Variants in FBXW7 observed in about 807,000 individuals in gnomAD.
FBXW7 encodes the protein F-box/WD repeat-containing protein 7.
FBXW7 carries 11 observed loss-of-function variants against 86.3 expected under a neutral mutation model. That is an observed-to-expected ratio of 0.13 (90% CI 0.08 to 0.21). FBXW7 has a LOEUF of 0.21. Ranked by LOEUF, FBXW7 falls within the 10% of genes least tolerant of loss-of-function variation. FBXW7 has a pLI of 1.00. For synonymous variants in FBXW7, 313 were observed against 297.9 expected, an observed-to-expected ratio of 1.05 and a Z score of -0.52; for missense variants, 488 against 847.4, an observed-to-expected ratio of 0.58 and a Z score of 5.27.
chr4:152,438,129 A>C (rs539788801), intron 2 of FBXW7, among the ~76,000 whole-genome samples: 1 of 152,238 alleles, frequency 6.6e-6, no homozygotes, highest in African/African-American at 2.4e-5. Flanking sequence ...AGCCAATACC[A>C]TACCACTGCA....
intron 2 of FBXW7, among the ~76,000 whole-genome samples, chr4:152,504,690 C>T (rs1579375965): frequency 6.6e-6 from 1 of 152,114 alleles, no homozygotes; most frequent in South Asian, 2.1e-4. Context: ...ATCTACTTTT[C>T]CAACCATAAA....
intron 2 of FBXW7, among the ~76,000 whole-genome samples, chr4:152,457,051 A>C (rs1056074791): frequency 6.6e-6 from 1 of 152,244 alleles, no homozygotes; most frequent in Non-Finnish European, 1.5e-5. Flanking sequence ...AAAAACAAAA[A>C]CAAAGTTTTG....
chr4:152,361,269 C>T (rs1054756412), intron 4 of FBXW7, among the ~76,000 whole-genome samples: 53 of 152,072 alleles, frequency 3.5e-4, no homozygotes, highest in Admixed American at 1.9e-3. Flanking sequence ...TAATCAGGCC[C>T]CCACTACATT....
chr4:152,378,721 T>C (rs6535848), intron 4 of FBXW7, among the ~76,000 whole-genome samples: 8,173 of 152,226 alleles, frequency 0.054, 537 homozygotes, highest in East Asian at 0.29. Flanking sequence ...ACACTTATTA[T>C]GCCGGGCATG....
At chr4:152,435,970 G>A (rs1740342368) in intron 2 of FBXW7, among the ~76,000 whole-genome samples, 1 of 152,030 alleles carries the variant, frequency 6.6e-6, no homozygotes. Context: ...ATGGAAGACG[G>A]CAAAAATGTT....
At chr4:152,518,920 G>T (rs912623561) in intron 2 of FBXW7, among the ~76,000 whole-genome samples, 2 of 152,100 alleles carry the variant, frequency 1.3e-5, no homozygotes, top group Non-Finnish European at 2.9e-5. Context: ...GTAGGGAATA[G>T]TTCTACAAAG....
intron 2 of FBXW7, among the ~76,000 whole-genome samples, chr4:152,416,925 T>C (rs1738489247): frequency 6.6e-6 from 1 of 152,214 alleles, no homozygotes. Context: ...TTTAAACTGG[T>C]TGTTAAATCT....
intron 2 of FBXW7, among the ~76,000 whole-genome samples, chr4:152,439,410 T>C (rs1395653495): frequency 6.6e-6 from 1 of 151,968 alleles, no homozygotes; most frequent in Non-Finnish European, 1.5e-5. Flanking sequence ...AGCTATATAA[T>C]ATTTTTATTA....
At chr4:152,524,743 TTTA>T (rs1749346217) in intron 2 of FBXW7, among the ~76,000 whole-genome samples, 1 of 152,136 alleles carries the variant, frequency 6.6e-6, no homozygotes, top group South Asian at 2.1e-4. Context: ...CTCCCGCTCA[TTTA>T]TTTTAAAAAA....
At chr4:152,487,307 T>C (rs1288362022) in intron 2 of FBXW7, among the ~76,000 whole-genome samples, 1 of 152,110 alleles carries the variant, frequency 6.6e-6, no homozygotes, top group Non-Finnish European at 1.5e-5. Context: ...ACTTTTACAA[T>C]AGAGAAATCA....
At chr4:152,326,334 CTTTTTT>C (rs367926135) in intron 11 of FBXW7, 103 bp from the exon 12 acceptor site, 51 of 548,832 alleles carry the variant, frequency 9.3e-5, no homozygotes, top group East Asian at 1.3e-4. Flanking sequence ...GGTTTTTTAG[CTTTTTT>C]TTTTTTTTTT....
rs10005944 is a variant in FBXW7 at position 152,448,973 on chromosome 4, C to T, written c.-119-36444G>A. Among the ~76,000 whole-genome samples, 1,066 of 152,324 alleles carry T rather than the reference C, an allele frequency of 7.0e-3. 7 individuals carry two copies. The highest frequency in any genetic ancestry group is 0.025 in the African/African-American group (1,027 of 41,574). On this transcript the variant is annotated intron_variant, in intron 2 of 13. Coordinates refer to ENST00000281708, the MANE Select transcript of FBXW7 (RefSeq NM_001349798.2). ...TACTCCTTCAGCTCAGCCTATCCAA[C>T]CTGTTCCCTCTGTAAATGCACACGA...
At chr4:152,404,381 C>G (rs1329533960) in intron 4 of FBXW7, among the ~76,000 whole-genome samples, 2 of 152,136 alleles carry the variant, frequency 1.3e-5, no homozygotes, top group Non-Finnish European at 2.9e-5. Context: ...GAAAAAATAA[C>G]CTTTTATTCA....
chr4:152,332,526 T>G, intron 8 of FBXW7, 70 bp downstream of exon 8: 1 of 1,377,294 alleles, frequency 7.3e-7, no homozygotes, highest in Non-Finnish European at 9.7e-7. Context: ...TTTTATTTTT[T>G]CTACTTGTTT....
At chr4:152,462,841 T>A (rs1743073771) in intron 2 of FBXW7, among the ~76,000 whole-genome samples, 1 of 152,150 alleles carries the variant, frequency 6.6e-6, no homozygotes, top group Admixed American at 6.5e-5. Flanking sequence ...CATCCTTGAT[T>A]TCTATTCCTT....
intron 2 of FBXW7, among the ~76,000 whole-genome samples, chr4:152,413,847 G>A (rs1738199598): frequency 1.3e-5 from 2 of 152,100 alleles, no homozygotes; most frequent in South Asian, 4.1e-4. Context: ...CTGCATGCAT[G>A]CATTTAAACA....
intron 2 of FBXW7, among the ~76,000 whole-genome samples, chr4:152,470,970 T>TA (rs34885881): frequency 3.3e-5 from 5 of 152,142 alleles, no homozygotes; most frequent in African/African-American, 1.2e-4. Context: ...AAGTCAGGAA[T>TA]AAAGCTGTTT....
intron 2 of FBXW7, among the ~76,000 whole-genome samples, chr4:152,499,169 A>G (rs1746672088): frequency 6.6e-6 from 1 of 152,146 alleles, no homozygotes; most frequent in African/African-American, 2.4e-5. Flanking sequence ...GCCTAGGACA[A>G]CAAGGCTCAC....
rs187436208 is a variant in FBXW7 at position 152,503,302 on chromosome 4, G to A, written c.-120+31639C>T. Among the ~76,000 whole-genome samples the A allele has an allele frequency of 2.9e-3, 407 of 139,992 alleles. 1 individual carries two copies. The highest frequency in any genetic ancestry group is 4.1e-3 in the Non-Finnish European group (275 of 67,802). 91.8% of individuals were successfully genotyped at this position (139,992 alleles called of 152,430 possible). On this transcript the variant is annotated intron_variant, in intron 2 of 13. Coordinates refer to ENST00000281708, the MANE Select transcript of FBXW7 (RefSeq NM_001349798.2). ...AAATTTTTTTTTTTGAGACAGTCTC[G>A]CTCTGTTGCCCTGGCTGGAGTGCAG...
Sources: allele counts gnomAD v4.1 joint callset (sites outside exome capture counted in the v4.1 genomes callset), GRCh38; gene constraint gnomAD v4.1.1; transcripts MANE v1.5; gene names NCBI Gene and HGNC (gene_info 2026-07-23, HGNC 2026-07-21).